SMAD2: variants seen among roughly 807,000 people sequenced by gnomAD.
The protein encoded by SMAD2 is SMAD family member 2.
SMAD2 carries 8 observed loss-of-function variants against 64.4 expected under a neutral mutation model. The observed-to-expected ratio is 0.12, with a 90% CI of 0.07 to 0.22. SMAD2 has a LOEUF of 0.22. Ranked by LOEUF, SMAD2 falls within the 10% of genes least tolerant of loss-of-function variation. SMAD2 has a pLI of 1.00. For synonymous variants in SMAD2, 203 were observed against 195.8 expected, an observed-to-expected ratio of 1.04 and a Z score of -0.31; for missense variants, 289 against 561.2, an observed-to-expected ratio of 0.51 and a Z score of 4.90.
rs537367086 is a variant in SMAD2, at chr18:47,849,960, T to C, written c.785-1273A>G. On this transcript the variant is annotated intron_variant, in intron 7 of 10. Coordinates refer to ENST00000262160, the MANE Select transcript of SMAD2 (RefSeq NM_005901.6). Reference sequence around the variant, plus strand: ...AGGCAGAGGTTGCAGTGAGCCGAGATTGCGCCACTGCACTCTAGCCTGGGC... The same window carrying C: ...AGGCAGAGGTTGCAGTGAGCCGAGACTGCGCCACTGCACTCTAGCCTGGGC... Among the ~76,000 whole-genome samples the C allele has an allele frequency of 4.0e-5, 6 of 151,676 alleles. No individual in the cohort carries two copies. The East Asian group carries it at 5.8e-4, about 15-fold the overall frequency.
At chr18:47,893,090 C>T (rs1210246662) in intron 2 of SMAD2, among the ~76,000 whole-genome samples, 2 of 152,284 alleles carry the variant, frequency 1.3e-5, no homozygotes, top group South Asian at 2.1e-4. Flanking sequence ...TCCCATCCCT[C>T]GGACTCAAAA....
At chr18:47,923,726 T>C (rs2034652243) in intron 1 of SMAD2, 1 of 152,170 alleles carries the variant, frequency 6.6e-6, no homozygotes, top group Non-Finnish European at 1.5e-5. Flanking sequence ...TTTACTCCTT[T>C]TATCTGTTTT....
At chr18:47,874,743 C>T (rs1417164964) in intron 2 of SMAD2, among the ~76,000 whole-genome samples, 2 of 152,072 alleles carry the variant, frequency 1.3e-5, no homozygotes, top group African/African-American at 2.4e-5. Flanking sequence ...TGCATAAAGA[C>T]ACACATACAT....
chr18:47,925,092 T>C (rs528891820), intron 1 of SMAD2, among the ~76,000 whole-genome samples: 7 of 152,290 alleles, frequency 4.6e-5, no homozygotes, highest in African/African-American at 1.7e-4. Flanking sequence ...TATGACACTG[T>C]AGATTATTCA....
chr18:47,904,228 T>C (rs1300055540), intron 1 of SMAD2, among the ~76,000 whole-genome samples: 1 of 147,830 alleles, frequency 6.8e-6, no homozygotes. Context: ...AGCTCCTTCC[T>C]CCCATTTGGT....
chr18:47,876,841 T>G (rs1211815298), intron 2 of SMAD2, among the ~76,000 whole-genome samples: 1 of 152,108 alleles, frequency 6.6e-6, no homozygotes, highest in Non-Finnish European at 1.5e-5. Context: ...AATTAACATT[T>G]TGCACTTTGT....
At chr18:47,858,314 A>G (rs985585237) in intron 6 of SMAD2, among the ~76,000 whole-genome samples, 2 of 152,184 alleles carry the variant, frequency 1.3e-5, no homozygotes, top group African/African-American at 2.4e-5. Context: ...TTGGATTAAG[A>G]GCAGACTCAA....
chr18:47,868,195 T>C (rs1219024027), intron 5 of SMAD2, 128 bp downstream of exon 5: 1 of 802,330 alleles, frequency 1.2e-6, no homozygotes, highest in African/African-American at 1.7e-5. Context: ...ACCCAACGAA[T>C]CCAATTTTTC....
At chr18:47,912,858 C>CAAAA (rs566813544) in intron 1 of SMAD2, among the ~76,000 whole-genome samples, 5 of 59,232 alleles carry the variant, frequency 8.4e-5, no homozygotes, top group Non-Finnish European at 1.1e-4. Context: ...GTATAAACAG[C>CAAAA]AAAAAAAAAA....
chr18:47,906,800 C>T (rs1482279445), intron 1 of SMAD2, among the ~76,000 whole-genome samples: 2 of 152,116 alleles, frequency 1.3e-5, no homozygotes, highest in Non-Finnish European at 2.9e-5. Flanking sequence ...CTCTCTCCCC[C>T]ACCTTCAGAG....
intron 6 of SMAD2, among the ~76,000 whole-genome samples, chr18:47,853,899 A>C (rs896841800): frequency 6.6e-6 from 1 of 152,184 alleles, no homozygotes; most frequent in African/African-American, 2.4e-5. Flanking sequence ...AGCCACTATT[A>C]GAAATGGAGG....
chr18:47,852,218 C>G lies in SMAD2; in HGVS notation c.731-891G>C, dbSNP rs978981948. Among the ~76,000 whole-genome samples the G allele has an allele frequency of 5.9e-4, 90 of 152,082 alleles. 1 individual carries two copies. Among genetic ancestry groups the G allele is most frequent in the Admixed American group, 5.8e-3 (88 of 15,262 alleles). On this transcript the variant is annotated intron_variant, in intron 6 of 10. Transcript: ENST00000262160. The stretch of plus-strand genomic sequence containing the variant: ...GTAAGTCTTCTTATGGTATGAGCTA[C>G]AAATATTTAATCATTGGTCTTTTGA...
chr18:47,921,710 T>G (rs1454303056), intron 1 of SMAD2, among the ~76,000 whole-genome samples: 1 of 152,176 alleles, frequency 6.6e-6, no homozygotes, highest in East Asian at 1.9e-4. Flanking sequence ...CATTATAACC[T>G]CAGCCCCAAC....
In SMAD2 at chr18:47,813,307, T is replaced by C. The variant is rs182494858; in HGVS notation, c.*28520A>G. On this transcript the variant is annotated 3_prime_UTR_variant, in exon 11 of 11. Transcript: ENST00000262160. ...AGGCTAGAGTGCAGTAGCACAAACA[T>C]GGCTCATGAAGCCTCGACTTCCTGG... The C allele has an allele frequency of 6.6e-6, 1 of 152,200 alleles. No homozygotes were observed. Among genetic ancestry groups the C allele is most frequent in the Admixed American group, 6.5e-5 (1 of 15,280 alleles). 9.4% of individuals were successfully genotyped at this position (152,200 alleles called of 1,614,324 possible).
rs567417643 is a variant in SMAD2, at chr18:47,859,421, T to C, written c.730+5638A>G. ...TCTTATCAAGATAAGTTACAAGTTATAGCATAAAATAATTTTCATAAATTT... is the reference window on the plus strand; with the variant it reads ...TCTTATCAAGATAAGTTACAAGTTACAGCATAAAATAATTTTCATAAATTT... On this transcript the variant is annotated intron_variant, in intron 6 of 10. Coordinates refer to ENST00000262160, the MANE Select transcript of SMAD2 (RefSeq NM_005901.6). Among the ~76,000 whole-genome samples, 4 of 152,304 alleles carry C rather than the reference T, an allele frequency of 2.6e-5. No individual in the cohort carries two copies. The East Asian group carries it at 5.8e-4, about 22-fold the overall frequency.
At chr18:47,884,017 G>GT (rs2144427702) in intron 2 of SMAD2, among the ~76,000 whole-genome samples, 1 of 152,224 alleles carries the variant, frequency 6.6e-6, no homozygotes, top group Non-Finnish European at 1.5e-5. Context: ...TATGTACAGT[G>GT]TAAAAACCAG....
rs1912980420 is a variant in SMAD2 at position 47,831,294 on chromosome 18, C to G, written c.*10533G>C. On this transcript the variant is annotated 3_prime_UTR_variant, in exon 11 of 11. Transcript: ENST00000262160. ...CAGACACACAGGTGAGAGTTCTGTTCCAAGATCTCATTTTGACCTTCTTCA... is the reference window on the plus strand; with the variant it reads ...CAGACACACAGGTGAGAGTTCTGTTGCAAGATCTCATTTTGACCTTCTTCA... 1 of 152,204 alleles carries G rather than the reference C, an allele frequency of 6.6e-6. No homozygotes were observed. Among genetic ancestry groups the G allele is most frequent in the Non-Finnish European group, 1.5e-5 (1 of 68,036 alleles). 9.4% of individuals were successfully genotyped at this position (152,204 alleles called of 1,614,324 possible).
chr18:47,841,147 A>AAAAAAAAAAC lies in SMAD2; in HGVS notation c.*670_*679dup, dbSNP rs780793372. ...TCCTTATAATAAGATTTAGCAGTTA[A>AAAAAAAAAAC]AAAAAAAAACAAAAAAAAACAAAAA... On this transcript the variant is annotated 3_prime_UTR_variant, in exon 11 of 11. Coordinates refer to ENST00000262160, the MANE Select transcript of SMAD2 (RefSeq NM_005901.6). 7 of 219,032 alleles carry AAAAAAAAAAC rather than the reference A, an allele frequency of 3.2e-5. No homozygotes were observed. The highest frequency in any genetic ancestry group is 1.5e-4 in the African/African-American group (6 of 39,940). The allele number at this position is 219,032 out of a possible 1,614,324, so 13.6% of individuals were successfully genotyped here. A position where few individuals can be genotyped will look rare whatever the true frequency, so the allele number is the denominator to read the frequency against.
intron 1 of SMAD2, among the ~76,000 whole-genome samples, chr18:47,920,670 A>G (rs2034525470): frequency 6.6e-6 from 1 of 152,258 alleles, no homozygotes; most frequent in East Asian, 1.9e-4. Context: ...TGCATGTGTT[A>G]TTCGAAAAAA....
Sources: allele counts gnomAD v4.1 joint callset (sites outside exome capture counted in the v4.1 genomes callset), GRCh38; gene constraint gnomAD v4.1.1; transcripts MANE v1.5; gene names NCBI Gene and HGNC (gene_info 2026-07-23, HGNC 2026-07-21).